Variants in KDM4A observed in about 807,000 individuals in gnomAD.
KDM4A encodes lysine-specific demethylase 4A.
A neutral mutation model predicts 127.1 loss-of-function variants in KDM4A; 23 were observed. That is an observed-to-expected ratio of 0.18 (90% confidence interval 0.13 to 0.26). The LOEUF (loss-of-function observed/expected upper bound fraction) is 0.26, where lower values mean the gene tolerates loss of function less well. Among genes scored for constraint, KDM4A ranks in the 10% least tolerant of loss-of-function variants. The pLI is 1.00. For missense variants in KDM4A, 890 were observed against 1,329.1 expected, an observed-to-expected ratio of 0.67 and a Z score of 5.14; for synonymous variants, 443 against 466.5, an observed-to-expected ratio of 0.95 and a Z score of 0.65.
intron 11 of KDM4A, among the ~76,000 whole-genome samples, chr1:43,676,651 C>T (rs534828208): frequency 6.6e-6 from 1 of 152,170 alleles, no homozygotes; most frequent in East Asian, 1.9e-4. Context: ...GTGTCAGGAT[C>T]TTTCCATATT....
chr1:43,671,618 G>A lies in KDM4A; in HGVS notation c.1477G>A (p.Ala493Thr), dbSNP rs1269217152. ...TGCCTTGGATCTTTCTGTGAATCCT[G>A]CGTCTGTAGGGGGACGCCTTGTCTT... Reference protein sequence around the residue: ...AAALDLSVNPASVGGRLVFSG... With the variant: ...AAALDLSVNPTSVGGRLVFSG... The change falls in exon 11 of 22, where the codon GCG (alanine) becomes ACG (threonine). Residue 493 changes from alanine to threonine, a missense_variant. Ala to Thr is a moderately conservative substitution (Grantham distance 58). Around this residue, in one of 7 missense-constraint regions of KDM4A, gnomAD observed 389 missense variants for 485.9 expected, o/e 0.80. Coordinates refer to ENST00000372396, the MANE Select transcript of KDM4A (RefSeq NM_014663.3). 4.3e-6 allele frequency: 7 copies of A among 1,613,348 alleles called. No individual in the cohort carries two copies. The highest frequency in any genetic ancestry group is 5.1e-6 in the Non-Finnish European group (6 of 1,179,760).
chr1:43,701,690 G>A (rs537955535), intron 19 of KDM4A, among the ~76,000 whole-genome samples: 237 of 152,192 alleles, frequency 1.6e-3, no homozygotes, highest in Non-Finnish European at 2.8e-3. Context: ...TCTCCCCTGT[G>A]TTGCCCAGGC....
At chr1:43,692,027 A>G (rs1473462157) in intron 15 of KDM4A, among the ~76,000 whole-genome samples, 2 of 152,214 alleles carry the variant, frequency 1.3e-5, no homozygotes, top group African/African-American at 2.4e-5. Context: ...TAGCAGCAAC[A>G]ATGAAGAGGA....
intron 11 of KDM4A, among the ~76,000 whole-genome samples, chr1:43,675,362 C>T (rs937216696): frequency 6.6e-6 from 1 of 152,136 alleles, no homozygotes; most frequent in Non-Finnish European, 1.5e-5. Context: ...CTTAATGATA[C>T]GTGTTGTGGT....
intron 11 of KDM4A, among the ~76,000 whole-genome samples, chr1:43,674,512 G>A (rs901481429): frequency 7.1e-6 from 1 of 140,386 alleles, no homozygotes. Flanking sequence ...AAATGGCCCT[G>A]CTACTTTTTT....
At chr1:43,656,903 T>C (rs1393523535) in intron 3 of KDM4A, among the ~76,000 whole-genome samples, 2 of 151,712 alleles carry the variant, frequency 1.3e-5, no homozygotes, top group Non-Finnish European at 2.9e-5. Flanking sequence ...CTAATTTTTG[T>C]ATTTTTAGTA....
chr1:43,654,703 G>A (rs1660196140), intron 2 of KDM4A, among the ~76,000 whole-genome samples: 1 of 2,444 alleles, frequency 4.1e-4, no homozygotes, highest in Non-Finnish European at 1.0e-3. Context: ...ATGCTTGTGA[G>A]TGTGTGTGTG....
At chr1:43,665,137 AC>A (rs1660471047) in intron 5 of KDM4A, among the ~76,000 whole-genome samples, 2 of 152,258 alleles carry the variant, frequency 1.3e-5, no homozygotes, top group South Asian at 2.1e-4. Flanking sequence ...GTGTTTAGAC[AC>A]CCTACTGGGT....
chr1:43,667,211 A>G, intron 8 of KDM4A, 120 bp downstream of exon 8: 1 of 1,101,462 alleles, frequency 9.1e-7, no homozygotes, highest in Admixed American at 2.1e-5. Flanking sequence ...ACAAGCAGCT[A>G]GCAATGTGTC....
At chr1:43,656,929 C>T (rs961399186) in intron 3 of KDM4A, among the ~76,000 whole-genome samples, 19 of 151,714 alleles carry the variant, frequency 1.3e-4, no homozygotes, top group Admixed American at 6.6e-4. Flanking sequence ...GGGGTTTCAC[C>T]GTCTCTACTG....
At chr1:43,655,556 C>G (rs764817601) in intron 2 of KDM4A, 35 bp from the exon 3 acceptor site, 2 of 1,557,654 alleles carry the variant, frequency 1.3e-6, no homozygotes, top group African/African-American at 2.7e-5. Flanking sequence ...TGCCAGGTTT[C>G]TCATCTGTCT....
rs747992158 is a variant in KDM4A, at chr1:43,698,065, A to C, written c.2841+52A>C. The stretch of plus-strand genomic sequence containing the variant: ...CAGTTTGGAATGGGGGGATGTTTCT[A>C]AGGTCTGGCTGGCAGACTGTGTGTG... On this transcript the variant is annotated intron_variant, in intron 19 of 21. Transcript: ENST00000372396. The C allele has an allele frequency of 1.1e-5, 18 of 1,578,456 alleles. No homozygotes were observed. In the South Asian group the frequency reaches 2.0e-4, roughly 18 times the overall value.
Position 43,651,316 on chromosome 1 carries a change from C to T in KDM4A, c.-40+1064C>T, listed in dbSNP as rs538320235. Among the ~76,000 whole-genome samples, 7 of 152,302 alleles carry T rather than the reference C, an allele frequency of 4.6e-5. No homozygotes were observed. The South Asian group carries it at 1.4e-3, about 32-fold the overall frequency. ...AGATGAGTATGTAAGCAGTATAGAG[C>T]AGTGGAAGGTGCACTTAAGAGTGGG... On this transcript the variant is annotated intron_variant, in intron 1 of 21. Transcript: ENST00000372396.
In KDM4A at chr1:43,665,670, C is replaced by A. The variant is rs764228845; in HGVS notation, c.624-26C>A. The A allele has an allele frequency of 8.7e-6, 14 of 1,613,016 alleles. No individual in the cohort carries two copies. In the African/African-American group the frequency reaches 1.2e-4, roughly 14 times the overall value. On this transcript the variant is annotated intron_variant, in intron 5 of 21. Transcript: ENST00000372396. ...GCTTCTGTACCTGCCCTCCACCCAG[C>A]CTCTGATGCTCTCATGTGATTGCAG... is the stretch of plus-strand genomic sequence containing the variant.
intron 2 of KDM4A, among the ~76,000 whole-genome samples, chr1:43,655,143 C>T (rs1242211500): frequency 6.6e-6 from 1 of 152,168 alleles, no homozygotes; most frequent in Non-Finnish European, 1.5e-5. Context: ...AGCCACTGTG[C>T]CCGGCCTCAA....
At chr1:43,698,977 C>T (rs1455448067) in intron 19 of KDM4A, among the ~76,000 whole-genome samples, 3 of 151,994 alleles carry the variant, frequency 2.0e-5, no homozygotes, top group East Asian at 1.9e-4. Flanking sequence ...TTTGTAGAGA[C>T]GGGCTTTTGC....
chr1:43,695,325 G>T (rs558214765), intron 18 of KDM4A, among the ~76,000 whole-genome samples: 1 of 152,212 alleles, frequency 6.6e-6, no homozygotes, highest in Admixed American at 6.5e-5. Context: ...GTAAAGCTTA[G>T]AGAAAAAGTG....
chr1:43,654,111 C>G (rs1044297510), intron 2 of KDM4A, among the ~76,000 whole-genome samples: 2 of 152,218 alleles, frequency 1.3e-5, no homozygotes, highest in African/African-American at 4.8e-5. Flanking sequence ...TCTTTCTTAT[C>G]TGCAGATACG....
chr1:43,652,600 C>T (rs899068204), intron 1 of KDM4A, among the ~76,000 whole-genome samples: 32 of 151,466 alleles, frequency 2.1e-4, no homozygotes, highest in African/African-American at 7.5e-4. Flanking sequence ...CTGCCCACCT[C>T]AGTCTCCCAA....
Sources: allele counts gnomAD v4.1 joint callset (sites outside exome capture counted in the v4.1 genomes callset), GRCh38; gene constraint gnomAD v4.1.1; regional missense constraint gnomAD v4.1.1; transcripts MANE v1.5; gene names NCBI Gene and HGNC (gene_info 2026-07-23, HGNC 2026-07-21).